The following CEP83 variants were observed in gnomAD, a reference collection of about 807,000 sequenced individuals.
CEP83 encodes the protein centrosomal protein of 83 kDa.
In CEP83, 70 loss-of-function variants were observed where a neutral mutation model predicts 101.9. That is an observed-to-expected ratio of 0.69 (90% CI 0.57 to 0.84). The LOEUF is 0.84. Among genes scored for constraint, CEP83 ranks in the 40% least tolerant of loss-of-function variants. The pLI, the probability that CEP83 is intolerant of heterozygous loss-of-function variation, is 0.00. For missense variants in CEP83, 715 were observed against 787.2 expected, an observed-to-expected ratio of 0.91 and a Z score of 1.10; for synonymous variants, 264 against 267.9, an observed-to-expected ratio of 0.99 and a Z score of 0.14.
At chr12:94,346,040 C>T (rs2059918747) in intron 11 of CEP83, among the ~76,000 whole-genome samples, 1 of 151,878 alleles carries the variant, frequency 6.6e-6, no homozygotes, top group Non-Finnish European at 1.5e-5. Flanking sequence ...AGATCTCACC[C>T]TATTATTTCT....
intron 1 of CEP83, among the ~76,000 whole-genome samples, chr12:94,447,397 T>A (rs2066891034): frequency 6.6e-6 from 1 of 152,012 alleles, no homozygotes. Context: ...TCCAGCTACT[T>A]GAGAGGCTGA....
At position 94,333,566 on chromosome 12, in the gene CEP83, A is replaced by G. The variant is rs758404212; in HGVS notation, c.1493T>C (p.Met498Thr). 7 of 1,613,758 alleles carry G rather than the reference A, an allele frequency of 4.3e-6. No individual in the cohort carries two copies. In the South Asian group the frequency reaches 6.6e-5, roughly 15 times the overall value. ...TAATCTCTCCACCATTTCCTTCAGCATTTGGTTTGAATTCAGCAAGTCATT... is the reference window on the plus strand; with the variant it reads ...TAATCTCTCCACCATTTCCTTCAGCGTTTGGTTTGAATTCAGCAAGTCATT... ...SENDLLNSNQ[M>T]LKEMVERLKQ... is the part of the protein sequence containing the mutation. Residue 498 changes from methionine to threonine, a missense_variant, in exon 13 of 17, where the codon ATG (methionine) becomes ACG (threonine). Met to Thr is a moderately conservative substitution (Grantham distance 81). Coordinates refer to ENST00000397809, the MANE Select transcript of CEP83 (RefSeq NM_016122.3).
At chr12:94,285,228 T>G in the CEP83 span, among the ~76,000 whole-genome samples, 25 of 152,302 alleles carry the variant, frequency 1.6e-4, no homozygotes, top group Admixed American at 4.6e-4. Context: ...TTCATGGCTG[T>G]ACAGTCCCAG....
intron 1 of CEP83, among the ~76,000 whole-genome samples, chr12:94,442,667 G>C (rs143428658): frequency 6.6e-6 from 1 of 152,250 alleles, no homozygotes; most frequent in African/African-American, 2.4e-5. Context: ...AGGGGTCTCA[G>C]TCATGAATCT....
intron 6 of CEP83, among the ~76,000 whole-genome samples, chr12:94,383,573 G>A (rs1471848678): frequency 6.6e-6 from 1 of 151,838 alleles, no homozygotes; most frequent in East Asian, 1.9e-4. Flanking sequence ...GTACAGTTAG[G>A]TCATTTTTAA....
intron 2 of CEP83, chr12:94,424,589 A>G: frequency 6.2e-7 from 1 of 1,613,478 alleles, no homozygotes; most frequent in Non-Finnish European, 8.5e-7. Flanking sequence ...CTGTTGCTTT[A>G]CCATCTGTGC....
At chr12:94,377,596 A>G (rs1212126316) in intron 7 of CEP83, among the ~76,000 whole-genome samples, 1 of 152,234 alleles carries the variant, frequency 6.6e-6, no homozygotes, top group Non-Finnish European at 1.5e-5. Context: ...AGAAGAAAGA[A>G]ATGCTTGCTG....
the CEP83 span, among the ~76,000 whole-genome samples, chr12:94,271,020 C>T: frequency 2.0e-5 from 3 of 152,190 alleles, no homozygotes; most frequent in African/African-American, 7.2e-5. Context: ...CTCAGACTTG[C>T]ACTTCTAACT....
intron 11 of CEP83, among the ~76,000 whole-genome samples, chr12:94,364,792 T>C (rs1447350182): frequency 6.6e-6 from 1 of 152,144 alleles, no homozygotes; most frequent in Non-Finnish European, 1.5e-5. Flanking sequence ...GACAGGTTTT[T>C]AATAAAAGTG....
chr12:94,346,937 C>G (rs1315942939), intron 11 of CEP83, among the ~76,000 whole-genome samples: 9 of 152,006 alleles, frequency 5.9e-5, no homozygotes, highest in African/African-American at 2.2e-4. Context: ...ACTCAGGAGG[C>G]TGAGGTGGGA....
At chr12:94,459,892 T>A (rs1018635758), upstream of CEP83, 1 of 152,450 alleles carries the variant, frequency 6.6e-6, no homozygotes, top group Non-Finnish European at 1.5e-5. Flanking sequence ...CGTGCTGACG[T>A]ATGGCCCAGA....
chr12:94,401,477 A>G (rs979037051), intron 5 of CEP83, among the ~76,000 whole-genome samples: 2 of 152,330 alleles, frequency 1.3e-5, no homozygotes, highest in South Asian at 4.1e-4. Context: ...TACGTGCAGC[A>G]TCATCTCTAC....
At chr12:94,376,688 TATACACAC>T (rs1161912049) in intron 7 of CEP83, among the ~76,000 whole-genome samples, 4 of 87,502 alleles carry the variant, frequency 4.6e-5, no homozygotes, top group East Asian at 2.8e-4. Context: ...TATATACATA[TATACACAC>T]ACACACACAC....
the CEP83 span, among the ~76,000 whole-genome samples, chr12:94,290,828 G>T: frequency 6.6e-6 from 1 of 152,228 alleles, no homozygotes; most frequent in East Asian, 1.9e-4. Flanking sequence ...CTTCAGAATG[G>T]AGGGAAAAGT....
chr12:94,322,295 T>C (rs1460207185), intron 14 of CEP83, among the ~76,000 whole-genome samples: 1 of 152,156 alleles, frequency 6.6e-6, no homozygotes, highest in Non-Finnish European at 1.5e-5. Flanking sequence ...CACCCCTCTC[T>C]TTGGGAGCTC....
intron 6 of CEP83, among the ~76,000 whole-genome samples, chr12:94,380,190 A>G (rs780631163): frequency 6.6e-5 from 10 of 152,100 alleles, no homozygotes; most frequent in Admixed American, 2.0e-4. Flanking sequence ...CAATGAATCT[A>G]AAAAGTTTAA....
At chr12:94,291,282 C>A in the CEP83 span, among the ~76,000 whole-genome samples, 2 of 152,230 alleles carry the variant, frequency 1.3e-5, no homozygotes, top group African/African-American at 4.8e-5. Flanking sequence ...GTTGCCCAGG[C>A]TGGAGTGCAG....
chr12:94,341,257 A>T (rs186699674), intron 11 of CEP83, among the ~76,000 whole-genome samples: 198 of 152,314 alleles, frequency 1.3e-3, no homozygotes, highest in Non-Finnish European at 2.3e-3. Context: ...TTAATAAAGG[A>T]TCTGTCAAAG....
chr12:94,434,227 T>A (rs2138243748), intron 2 of CEP83, among the ~76,000 whole-genome samples: 1 of 152,334 alleles, frequency 6.6e-6, no homozygotes, highest in Middle Eastern at 3.4e-3. Flanking sequence ...GAACATGAGC[T>A]ATTTTATTTT....
Sources: gnomAD v4.1 joint callset for allele counts (sites outside exome capture counted in the v4.1 genomes callset) on GRCh38, gnomAD v4.1.1 for gene constraint, MANE v1.5 for transcripts, NCBI Gene and HGNC (gene_info 2026-07-23, HGNC 2026-07-21) for gene names.